ADAM12: variants seen among roughly 807,000 people sequenced by gnomAD.
ADAM12 encodes the protein disintegrin and metalloproteinase domain-containing protein 12.
A neutral mutation model predicts 106.4 loss-of-function variants in ADAM12; 70 were observed. That is an observed-to-expected ratio of 0.66 (90% confidence interval 0.54 to 0.80). ADAM12 has a LOEUF of 0.80. Ranked by LOEUF, ADAM12 falls within the 30% of genes least tolerant of loss-of-function variation. ADAM12 has a pLI of 0.00. For missense variants in ADAM12, 1,010 were observed against 1,171.9 expected, an observed-to-expected ratio of 0.86 and a Z score of 2.02; for synonymous variants, 420 against 433.5, an observed-to-expected ratio of 0.97 and a Z score of 0.39.
At chr10:126,041,761 C>T in intron 18 of ADAM12, 1 of 1,065,012 alleles carries the variant, frequency 9.4e-7, no homozygotes, top group Non-Finnish European at 1.1e-6. Context: ...GACACTGGGC[C>T]CAACCCTTGC....
intron 10 of ADAM12, among the ~76,000 whole-genome samples, chr10:126,097,203 C>G (rs1223177823): frequency 6.6e-6 from 1 of 152,212 alleles, no homozygotes; most frequent in Non-Finnish European, 1.5e-5. Context: ...AATGTACAGT[C>G]TGCTCTGTAA....
intron 16 of ADAM12, among the ~76,000 whole-genome samples, chr10:126,048,780 TC>T (rs1285371437): frequency 6.6e-6 from 1 of 152,060 alleles, no homozygotes; most frequent in Non-Finnish European, 1.5e-5. Flanking sequence ...TGTATCTTTC[TC>T]CCTGTTCTCT....
chr10:126,076,558 C>T (rs7906268), intron 11 of ADAM12, among the ~76,000 whole-genome samples: 27,189 of 152,132 alleles, frequency 0.18, 2,863 homozygotes, highest in South Asian at 0.28. Flanking sequence ...AATCGCCATT[C>T]TGACTGGTGT....
intron 4 of ADAM12, among the ~76,000 whole-genome samples, chr10:126,144,096 A>G (rs1196455421): frequency 6.6e-6 from 1 of 152,204 alleles, no homozygotes; most frequent in South Asian, 2.1e-4. Flanking sequence ...AACTAACCTC[A>G]GGGACCACTG....
intron 21 of ADAM12, among the ~76,000 whole-genome samples, chr10:126,030,882 G>A (rs115294479): frequency 0.021 from 3,162 of 152,274 alleles, 95 homozygotes; most frequent in African/African-American, 0.068. Context: ...GTGTGATGGC[G>A]CCATGGAGAA....
At chr10:126,111,185 G>C (rs1343950638) in intron 6 of ADAM12, among the ~76,000 whole-genome samples, 1 of 152,136 alleles carries the variant, frequency 6.6e-6, no homozygotes, top group African/African-American at 2.4e-5. Flanking sequence ...AAGATATCTG[G>C]AAACCTTATG....
chr10:126,192,131 G>C (rs981288053), intron 3 of ADAM12, among the ~76,000 whole-genome samples: 2 of 152,190 alleles, frequency 1.3e-5, no homozygotes, highest in African/African-American at 4.8e-5. Context: ...CATAAGATTT[G>C]GGTGGGGACA....
intron 2 of ADAM12, among the ~76,000 whole-genome samples, chr10:126,289,036 G>C (rs1417595423): frequency 7.0e-6 from 1 of 142,902 alleles, no homozygotes; most frequent in Admixed American, 7.0e-5. Flanking sequence ...AGATTGTGTG[G>C]TGACATGATG....
At chr10:126,027,156 G>A (rs1326550724) in intron 21 of ADAM12, among the ~76,000 whole-genome samples, 1 of 151,834 alleles carries the variant, frequency 6.6e-6, no homozygotes, top group Non-Finnish European at 1.5e-5. Flanking sequence ...AGCACATACA[G>A]TCTCTGAGAC....
chr10:126,331,873 C>A (rs1168914835), intron 1 of ADAM12, among the ~76,000 whole-genome samples: 1 of 152,098 alleles, frequency 6.6e-6, no homozygotes, highest in Non-Finnish European at 1.5e-5. Flanking sequence ...TCTGTGACAC[C>A]CGTGAACGGC....
intron 3 of ADAM12, among the ~76,000 whole-genome samples, chr10:126,174,075 T>C (rs1275476335): frequency 1.4e-5 from 2 of 145,818 alleles, no homozygotes; most frequent in Non-Finnish European, 3.0e-5. Context: ...TGGAGTGATC[T>C]TGGCTCACTG....
intron 2 of ADAM12, among the ~76,000 whole-genome samples, chr10:126,317,806 T>G (rs1853938952): frequency 6.6e-6 from 1 of 152,200 alleles, no homozygotes; most frequent in Non-Finnish European, 1.5e-5. Flanking sequence ...TCACCCATAC[T>G]GGAGTGCAGT....
intron 4 of ADAM12, among the ~76,000 whole-genome samples, chr10:126,144,313 A>G (rs941595123): frequency 6.6e-6 from 1 of 152,208 alleles, no homozygotes; most frequent in Non-Finnish European, 1.5e-5. Context: ...AGTTGTCCAG[A>G]GTTTTGTGGA....
chr10:126,234,466 C>T, intron 3 of ADAM12, among the ~76,000 whole-genome samples: 1 of 152,196 alleles, frequency 6.6e-6, no homozygotes, highest in East Asian at 1.9e-4. Flanking sequence ...AATATCCAAA[C>T]ACAGGCTTAG....
intron 8 of ADAM12, among the ~76,000 whole-genome samples, chr10:126,104,926 T>C (rs908868550): frequency 6.6e-6 from 1 of 152,168 alleles, no homozygotes; most frequent in African/African-American, 2.4e-5. Context: ...CTTTCATTTG[T>C]AGAGTTGAAA....
At chr10:126,186,856 C>T (rs1479858454) in intron 3 of ADAM12, among the ~76,000 whole-genome samples, 4 of 152,210 alleles carry the variant, frequency 2.6e-5, no homozygotes, top group Non-Finnish European at 5.9e-5. Flanking sequence ...ACAACACTTT[C>T]ATCCATATTA....
intron 2 of ADAM12, among the ~76,000 whole-genome samples, chr10:126,316,783 C>CAAAAAAA (rs376131530): frequency 3.6e-5 from 3 of 82,760 alleles, no homozygotes; most frequent in African/African-American, 1.4e-4. Flanking sequence ...GACCCTATCT[C>CAAAAAAA]AAAAAAAAAA....
intron 1 of ADAM12, among the ~76,000 whole-genome samples, chr10:126,373,178 G>A (rs1305194468): frequency 1.3e-5 from 2 of 152,152 alleles, no homozygotes; most frequent in Non-Finnish European, 2.9e-5. Context: ...TTGTATACTA[G>A]AATGTTTAAG....
chr10:126,369,641 T>TA (rs150713219), intron 1 of ADAM12, among the ~76,000 whole-genome samples: 1,559 of 152,242 alleles, frequency 0.01, 25 homozygotes, highest in African/African-American at 0.036. Flanking sequence ...AGAGCCACCT[T>TA]ACCAATCAGA....
Sources: allele counts gnomAD v4.1 joint callset (sites outside exome capture counted in the v4.1 genomes callset), GRCh38; gene constraint gnomAD v4.1.1; transcripts MANE v1.5; gene names NCBI Gene and HGNC (gene_info 2026-07-23, HGNC 2026-07-21).